TBC1D9B: variants seen among roughly 807,000 people sequenced by gnomAD.
The protein encoded by TBC1D9B is TBC1 domain family member 9B.
In TBC1D9B, 87 loss-of-function variants were observed where a neutral mutation model predicts 121.1. The ratio of observed to expected loss-of-function variants is 0.72; its 90% CI spans 0.60 to 0.86. TBC1D9B has a LOEUF of 0.86. Ranked by LOEUF, TBC1D9B falls within the 40% of genes least tolerant of loss-of-function variation. The pLI is 0.00. For synonymous variants in TBC1D9B, 668 were observed against 670.1 expected (o/e 1.00, Z 0.05); for missense variants, 1,540 against 1,628.6 (o/e 0.95, Z 0.94).
At chr5:179,903,760 C>T (rs758520419) in intron 2 of TBC1D9B, among the ~76,000 whole-genome samples, 45 of 152,304 alleles carry the variant, frequency 3.0e-4, no homozygotes, top group Non-Finnish European at 6.0e-4. Context: ...CTCTTAGGAA[C>T]AAGAGCGCTA....
intron 12 of TBC1D9B, 146 bp from the exon 13 acceptor site, chr5:179,873,394 G>A (rs1264994318): frequency 1.6e-6 from 2 of 1,282,410 alleles, no homozygotes; most frequent in Non-Finnish European, 1.0e-6. Context: ...CAGGAGGGCA[G>A]AGGTGTGCCC....
chr5:179,906,998 T>C (rs1183291968), intron 1 of TBC1D9B, among the ~76,000 whole-genome samples: 1 of 152,116 alleles, frequency 6.6e-6, no homozygotes, highest in African/African-American at 2.4e-5. Context: ...GGGCCTCCCC[T>C]GGATCCCACA....
rs1267892773 is a variant in TBC1D9B at position 179,894,270 on chromosome 5, C to A, written c.577+116G>T. 3 of 984,232 alleles carry A rather than the reference C, an allele frequency of 3.0e-6. No homozygotes were observed. In the East Asian group the frequency reaches 7.9e-5, roughly 26 times the overall value. The allele number at this position is 984,232 out of a possible 1,614,324, so 61.0% of individuals were successfully genotyped here. A position where few individuals can be genotyped will look rare whatever the true frequency, so the allele number is the denominator to read the frequency against. On this transcript the variant is annotated intron_variant, in intron 4 of 20. Coordinates refer to ENST00000355235, the MANE Select transcript of TBC1D9B (RefSeq NM_015043.4). Reference sequence around the variant, plus strand: ...GTCCCATCTTGGGCCGCTAAGGTGGCATTTGGGTTTCAGGGAGACCCCTCT... The same window carrying A: ...GTCCCATCTTGGGCCGCTAAGGTGGAATTTGGGTTTCAGGGAGACCCCTCT...
chr5:179,870,930 G>GA (rs913922560), intron 15 of TBC1D9B, among the ~76,000 whole-genome samples: 2 of 152,216 alleles, frequency 1.3e-5, no homozygotes, highest in Admixed American at 1.3e-4. Context: ...AGGTGGACGG[G>GA]AACTGGCAAC....
At chr5:179,877,431 G>C (rs752529994) in intron 10 of TBC1D9B, among the ~76,000 whole-genome samples, 1 of 151,728 alleles carries the variant, frequency 6.6e-6, no homozygotes, top group Non-Finnish European at 1.5e-5. Flanking sequence ...AAGAGGCCAA[G>C]GCAGGTGGAT....
In TBC1D9B at chr5:179,893,511, G is replaced by C. The variant is rs191949944; in HGVS notation, c.578-44C>G. On this transcript the variant is annotated intron_variant, in intron 4 of 20. Transcript: ENST00000355235. ...ACACACCGCAAGTTAGGGCCTGGCA[G>C]GGCGAGGCTCCTGATGCCCATCTGT... 5.3e-5 allele frequency: 82 copies of C among 1,553,132 alleles called. No homozygotes were observed. In the East Asian group the frequency reaches 1.7e-3, roughly 33 times the overall value.
chr5:179,905,383 T>A (rs1012275620), intron 1 of TBC1D9B, among the ~76,000 whole-genome samples: 56 of 152,354 alleles, frequency 3.7e-4, no homozygotes, highest in African/African-American at 1.3e-3. Context: ...TGTCTCCCCT[T>A]TGCCATGACT....
At position 179,902,854 on chromosome 5, in the gene TBC1D9B, G is replaced by A. The variant is rs1041157643; in HGVS notation, c.229+1848C>T. 3.3e-5 allele frequency among the ~76,000 whole-genome samples: 5 copies of A among 152,128 alleles called. No individual in the cohort carries two copies. Among genetic ancestry groups the A allele is most frequent in the African/African-American group, 9.7e-5 (4 of 41,424 alleles). On this transcript the variant is annotated intron_variant, in intron 2 of 20. Coordinates refer to ENST00000355235, the MANE Select transcript of TBC1D9B (RefSeq NM_015043.4). The surrounding 1 kb of genome is among the most constrained non-coding windows in gnomAD (Gnocchi z 4.9). Reference sequence around the variant, plus strand: ...CTCAGGCTCTGAAGCCAGAGATCGGGGGTCTAACTGGGCTTCCCTGCTTGG... The same window carrying A: ...CTCAGGCTCTGAAGCCAGAGATCGGAGGTCTAACTGGGCTTCCCTGCTTGG...
Position 179,904,772 on chromosome 5 carries a change from A to T in TBC1D9B, c.159T>A (p.Ser53Arg). The T allele has an allele frequency of 6.3e-7, 1 of 1,575,826 alleles. No homozygotes were observed. The change falls in exon 2 of 21, where the codon AGT becomes AGA. Residue 53 changes from serine (S) to arginine (R), a missense_variant. Coordinates refer to ENST00000355235, the MANE Select transcript of TBC1D9B (RefSeq NM_015043.4). The surrounding 1 kb of genome is among the most constrained non-coding windows in gnomAD (Gnocchi z 4.2). Reference protein sequence around the residue: ...VGTLDVVLDSSARVAPYRILH... With the variant: ...VGTLDVVLDSRARVAPYRILH... Reference sequence around the variant, plus strand: ...GGATGCGGTAAGGGGCCACGCGGGCACTGGAGTCCAGCACCACGTCCAGGG... The same window carrying T: ...GGATGCGGTAAGGGGCCACGCGGGCTCTGGAGTCCAGCACCACGTCCAGGG...
At chr5:179,888,502 G>A (rs1760761412) in intron 6 of TBC1D9B, among the ~76,000 whole-genome samples, 190 bp from the exon 7 acceptor site, 1 of 152,146 alleles carries the variant, frequency 6.6e-6, no homozygotes, top group South Asian at 2.1e-4. Context: ...GTGCCTCTAA[G>A]GGCCCGTTTT....
chr5:179,881,880 A>G (rs1371979474), intron 7 of TBC1D9B, among the ~76,000 whole-genome samples: 1 of 151,534 alleles, frequency 6.6e-6, no homozygotes, highest in Admixed American at 6.6e-5. Context: ...TCAAAAGGAT[A>G]TATTTTTAAT....
At position 179,907,128 on chromosome 5, in the gene TBC1D9B, G is replaced by T. The variant is rs1761344064; in HGVS notation, c.118+576C>A. On this transcript the variant is annotated intron_variant, in intron 1 of 20. Transcript: ENST00000355235. The surrounding 1 kb of genome is among the most constrained non-coding windows in gnomAD (Gnocchi z 5.3). ...ACCCTGTGCCGCTACCCACAGCCTT[G>T]GGTGCGCAGCTCTGAGAGCAGCCAG... 6.6e-6 allele frequency among the ~76,000 whole-genome samples: 1 copy of T among 152,206 alleles called. No individual in the cohort carries two copies. Among genetic ancestry groups the T allele is most frequent in the Non-Finnish European group, 1.5e-5 (1 of 68,032 alleles).
Position 179,888,312 on chromosome 5 carries a change from C to T in TBC1D9B, c.1045G>A (p.Val349Met). 6.2e-7 allele frequency: 1 copy of T among 1,611,630 alleles called. No homozygotes were observed. The highest frequency in any genetic ancestry group is 1.3e-5 in the African/African-American group (1 of 74,810). The change falls in exon 7 of 21, where the codon GTG becomes ATG. Residue 349 changes from valine (V) to methionine (M), a missense_variant and splice_region_variant. By Grantham distance (21) the Val-to-Met change is conservative. Coordinates refer to ENST00000355235, the MANE Select transcript of TBC1D9B (RefSeq NM_015043.4). Reference protein sequence around the residue: ...ACHLIIPLREVTIVEKADSSS... With the variant: ...ACHLIIPLREMTIVEKADSSS... ...CTGTCAGCTTTTTCGACAATGGTCA[C>T]CTGAGAAGGTGAAAGAACTCTTTTG...
chr5:179,895,953 C>G (rs1019543959), intron 3 of TBC1D9B, among the ~76,000 whole-genome samples: 2 of 152,212 alleles, frequency 1.3e-5, no homozygotes, highest in East Asian at 1.9e-4. Flanking sequence ...CCTCCCTCCC[C>G]CTTTCTGCCT....
At position 179,879,054 on chromosome 5, in the gene TBC1D9B, G is replaced by A. The variant is rs371712830; in HGVS notation, c.1560C>T (p.Leu520=). ...PESLRGELWL[L]FSGAWNEMVT... ...TGGCTGCACCCCACTCACCGGAGAA[G>A]AGGAGCCACAGCTCTCCCCGGAGGC... is the stretch of plus-strand genomic sequence containing the variant. The change falls in exon 9 of 21, where the codon CTC becomes CTT. Residue 520 remains leucine, a synonymous_variant. Coordinates refer to ENST00000355235, the MANE Select transcript of TBC1D9B (RefSeq NM_015043.4). 1.7e-5 allele frequency: 28 copies of A among 1,602,418 alleles called. No individual in the cohort carries two copies. The highest frequency in any genetic ancestry group is 2.3e-5 in the Non-Finnish European group (27 of 1,179,830).
At position 179,880,046 on chromosome 5, in the gene TBC1D9B, G is replaced by A. The variant is rs1760493513; in HGVS notation, c.1255-257C>T. The A allele has an allele frequency of 8.9e-6, 5 of 561,166 alleles. No homozygotes were observed. The Admixed American group carries it at 1.7e-4, about 19-fold the overall frequency. 34.8% of individuals were successfully genotyped at this position (561,166 alleles called of 1,614,324 possible). ...CCAGCGAGTCAGTCTCAGGGAGCGGGTTCTGGGCTCACCCTGTGGGGCCCT... is the reference window on the plus strand; with the variant it reads ...CCAGCGAGTCAGTCTCAGGGAGCGGATTCTGGGCTCACCCTGTGGGGCCCT... On this transcript the variant is annotated intron_variant, in intron 7 of 20. Transcript: ENST00000355235.
Position 179,879,135 on chromosome 5 carries a change from C to G in TBC1D9B, c.1479G>C (p.Val493=). 6.2e-7 allele frequency: 1 copy of G among 1,607,486 alleles called. No individual in the cohort carries two copies. The highest frequency in any genetic ancestry group is 8.5e-7 in the Non-Finnish European group (1 of 1,179,762). ...GCGTCTTGGCTGTGCGGTACATGCA[C>G]ACGCCACGCCCGTACTCGAAGAAGT... The part of the protein sequence containing the change: ...HIHFFEYGRG[V]CMYRTAKTRA... The change falls in exon 9 of 21, where the codon GTG becomes GTC. Residue 493 remains valine, a synonymous_variant. Transcript: ENST00000355235.
intron 9 of TBC1D9B, 79 bp from the exon 10 acceptor site, chr5:179,878,602 C>T (rs958060616): frequency 1.3e-5 from 18 of 1,384,782 alleles, no homozygotes; most frequent in African/African-American, 2.9e-5. Context: ...TTGGAGTCAC[C>T]GGGTGCCCCA....
chr5:179,863,969 C>A lies in TBC1D9B; in HGVS notation c.3181G>T (p.Asp1061Tyr). ...FSARTGRKPR[D>Y]CATEEDEPPA... ...GGCTCGTCCTCCTCAGTGGCACAGT[C>A]CCTGGGCTTCCTGCCTGTGCGGGCT... is the stretch of plus-strand genomic sequence containing the variant. The change falls in exon 21 of 21, where the codon GAC becomes TAC. Residue 1061 changes from aspartate to tyrosine, a missense_variant. Asp to Tyr is a radical substitution (Grantham distance 160). Transcript: ENST00000355235. This position sits in a 1 kb window ranked among gnomAD's most constrained non-coding sequence, Gnocchi z 4.5. The A allele has an allele frequency of 6.2e-7, 1 of 1,613,850 alleles. No individual in the cohort carries two copies. The highest frequency in any genetic ancestry group is 8.5e-7 in the Non-Finnish European group (1 of 1,180,048).
Sources: allele counts gnomAD v4.1 joint callset (sites outside exome capture counted in the v4.1 genomes callset), GRCh38; gene constraint gnomAD v4.1.1; non-coding constraint Gnocchi (gnomAD v3.1); transcripts MANE v1.5; gene names NCBI Gene and HGNC (gene_info 2026-07-23, HGNC 2026-07-21).